Variants in PRKN observed in about 807,000 individuals in gnomAD.
The protein encoded by PRKN is parkin RBR E3 ubiquitin protein ligase.
In PRKN, 56 loss-of-function variants were observed where a neutral mutation model predicts 59.5. The ratio of observed to expected loss-of-function variants is 0.94; its 90% CI spans 0.76 to 1.18. The LOEUF is 1.18. Ranked by LOEUF, PRKN falls within the 50% of genes most tolerant of loss-of-function variation. PRKN has a pLI of 0.00. For synonymous variants in PRKN, 250 were observed against 222.1 expected, an observed-to-expected ratio of 1.13 and a Z score of -1.12; for missense variants, 657 against 596.4, an observed-to-expected ratio of 1.10 and a Z score of -1.06.
At chr6:162,105,306 C>A (rs1780145418) in intron 4 of PRKN, among the ~76,000 whole-genome samples, 1 of 152,258 alleles carries the variant, frequency 6.6e-6, no homozygotes, top group Admixed American at 6.5e-5. Flanking sequence ...ATGCTATAAA[C>A]ACAGCCAAAC....
intron 6 of PRKN, among the ~76,000 whole-genome samples, chr6:161,821,573 T>C (rs1792025215): frequency 6.6e-6 from 1 of 152,098 alleles, no homozygotes; most frequent in South Asian, 2.1e-4. Flanking sequence ...CACACATTCA[T>C]TTTCACAGAC....
chr6:161,512,775 C>T (rs1334986096), intron 9 of PRKN, among the ~76,000 whole-genome samples: 1 of 152,194 alleles, frequency 6.6e-6, no homozygotes, highest in African/African-American at 2.4e-5. Flanking sequence ...ACTTGCCGTC[C>T]TCCTGGCCTC....
chr6:161,813,215 T>C (rs997736081), intron 6 of PRKN, among the ~76,000 whole-genome samples: 1 of 152,128 alleles, frequency 6.6e-6, no homozygotes, highest in South Asian at 2.1e-4. Flanking sequence ...TGGGAGGAAG[T>C]GCAGTGGAAA....
At chr6:161,671,841 G>C (rs930381280) in intron 7 of PRKN, among the ~76,000 whole-genome samples, 1 of 152,118 alleles carries the variant, frequency 6.6e-6, no homozygotes, top group Non-Finnish European at 1.5e-5. Context: ...TGGTTGTCTT[G>C]TCCTCTGTTT....
intron 9 of PRKN, among the ~76,000 whole-genome samples, chr6:161,441,942 T>G (rs887070369): frequency 2.6e-5 from 4 of 152,112 alleles, no homozygotes; most frequent in African/African-American, 9.7e-5. Flanking sequence ...AGGAAGTGGA[T>G]AAAGCTGGCC....
intron 3 of PRKN, among the ~76,000 whole-genome samples, chr6:162,260,309 G>A (rs1227697134): frequency 3.9e-5 from 6 of 152,138 alleles, no homozygotes; most frequent in Admixed American, 6.5e-5. Flanking sequence ...GTGAAACAGC[G>A]CATCATCATA....
rs564420301 is a variant in PRKN, at chr6:162,534,481, T to A, written c.8-91008A>T. On this transcript the variant is annotated intron_variant, in intron 1 of 11. Coordinates refer to ENST00000366898, the MANE Select transcript of PRKN (RefSeq NM_004562.3). The stretch of plus-strand genomic sequence containing the variant: ...GTGCTTTGCAATGTAATCACTTGAT[T>A]ACAAGTTTCATTTTCTTCATTAGAC... Among the ~76,000 whole-genome samples the A allele has an allele frequency of 4.6e-5, 7 of 152,322 alleles. No individual in the cohort carries two copies. In the South Asian group the frequency reaches 1.4e-3, roughly 32 times the overall value.
intron 7 of PRKN, among the ~76,000 whole-genome samples, chr6:161,714,863 C>T (rs1002547084): frequency 6.6e-6 from 1 of 152,168 alleles, no homozygotes; most frequent in African/African-American, 2.4e-5. Flanking sequence ...CACAAAGACA[C>T]ATATCAGTGT....
At chr6:161,727,357 C>T (rs1787486421) in intron 7 of PRKN, among the ~76,000 whole-genome samples, 1 of 152,172 alleles carries the variant, frequency 6.6e-6, no homozygotes. Context: ...GGGTCCCCAA[C>T]CTTCCTCCTC....
intron 2 of PRKN, among the ~76,000 whole-genome samples, chr6:162,414,900 A>C (rs564634543): frequency 2.0e-5 from 3 of 152,048 alleles, no homozygotes; most frequent in Non-Finnish European, 4.4e-5. Context: ...CACTGGAGGC[A>C]CTGTATATTT....
chr6:161,970,639 G>C (rs1780768787), intron 6 of PRKN, among the ~76,000 whole-genome samples: 1 of 151,714 alleles, frequency 6.6e-6, no homozygotes, highest in African/African-American at 2.4e-5. Flanking sequence ...CCGGATTCGA[G>C]TGATTCTTTT....
rs189884417 is a variant in PRKN, at chr6:162,498,682, T to C, written c.8-55209A>G. The stretch of plus-strand genomic sequence containing the variant: ...CTTCTTTTTAGAACAGTCCATAAAC[T>C]GCCGCCTTTAAGTGACTGAATCCTG... On this transcript the variant is annotated intron_variant, in intron 1 of 11. Coordinates refer to ENST00000366898, the MANE Select transcript of PRKN (RefSeq NM_004562.3). Among the ~76,000 whole-genome samples, 262 of 151,958 alleles carry C rather than the reference T, an allele frequency of 1.7e-3. 3 individuals carry two copies. The highest frequency in any genetic ancestry group is 2.6e-3 in the Non-Finnish European group (179 of 67,956).
rs1181024313 is a variant in PRKN at position 162,556,374 on chromosome 6, T to TGC, written c.8-112902_8-112901insGC. Among the ~76,000 whole-genome samples the TGC allele has an allele frequency of 5.5e-4, 68 of 124,214 alleles. 1 individual carries two copies. The highest frequency in any genetic ancestry group is 1.6e-3 in the African/African-American group (58 of 35,800). The allele number at this position is 124,214 out of a possible 152,430, so 81.5% of individuals were successfully genotyped here. ...GTGTGTGTGTGTGTGTGTGTGTGTGTGTGTGTGTGTGTGTGTGTGTGTGTG... is the reference window on the plus strand; with the variant it reads ...GTGTGTGTGTGTGTGTGTGTGTGTGTGCGTGTGTGTGTGTGTGTGTGTGTGTG... On this transcript the variant is annotated intron_variant, in intron 1 of 11. Transcript: ENST00000366898.
At chr6:161,777,817 TGTATATATGTATATGTATAC>T (rs1790011355) in intron 7 of PRKN, among the ~76,000 whole-genome samples, 1 of 135,782 alleles carries the variant, frequency 7.4e-6, no homozygotes, top group Non-Finnish European at 1.5e-5. Flanking sequence ...TGTATATATG[TGTATATATGTATATGTATAC>T]GTATATATGT....
chr6:161,653,922 A>G (rs1197810772), intron 7 of PRKN, among the ~76,000 whole-genome samples: 1 of 152,170 alleles, frequency 6.6e-6, no homozygotes, highest in African/African-American at 2.4e-5. Flanking sequence ...CTGGGGTCAC[A>G]TTGCCTAGCA....
intron 9 of PRKN, among the ~76,000 whole-genome samples, chr6:161,512,919 A>G (rs1393953456): frequency 1.3e-5 from 2 of 152,182 alleles, no homozygotes; most frequent in African/African-American, 2.4e-5. Context: ...ATGATATTCC[A>G]TAACAATATG....
chr6:162,650,544 G>C (rs1778385231), intron 1 of PRKN, among the ~76,000 whole-genome samples: 1 of 141,574 alleles, frequency 7.1e-6, no homozygotes, highest in African/African-American at 2.6e-5. Context: ...CTTGCAGTGA[G>C]CCGAGATCCC....
At chr6:162,460,387 T>C (rs925278335) in intron 1 of PRKN, among the ~76,000 whole-genome samples, 1 of 152,236 alleles carries the variant, frequency 6.6e-6, no homozygotes, top group Non-Finnish European at 1.5e-5. Flanking sequence ...AAACAGGAGT[T>C]ACTGCTAAAG....
rs373703677 is a variant in PRKN, at chr6:161,352,726, AGTGTGTGT to A, written c.1286-2523_1286-2516del. Among the ~76,000 whole-genome samples, 6 of 128,522 alleles carry A rather than the reference AGTGTGTGT, an allele frequency of 4.7e-5. No homozygotes were observed. The highest frequency in any genetic ancestry group is 9.1e-5 in the African/African-American group (3 of 32,842). 84.3% of individuals were successfully genotyped at this position (128,522 alleles called of 152,430 possible). ...TATATAAACACAAATATGTATGAAG[AGTGTGTGT>A]GTGTGTGTGTGTGTGTGTGTGTATA... is the stretch of plus-strand genomic sequence containing the variant. On this transcript the variant is annotated intron_variant, in intron 11 of 11. Coordinates refer to ENST00000366898, the MANE Select transcript of PRKN (RefSeq NM_004562.3). The surrounding 1 kb of genome is among the most constrained non-coding windows in gnomAD (Gnocchi z 5.8).
Sources: gnomAD v4.1 joint callset for allele counts (sites outside exome capture counted in the v4.1 genomes callset) on GRCh38, gnomAD v4.1.1 for gene constraint, Gnocchi (gnomAD v3.1) non-coding constraint, MANE v1.5 for transcripts, NCBI Gene and HGNC (gene_info 2026-07-23, HGNC 2026-07-21) for gene names.